Variants in PSORS1C1 observed in about 807,000 individuals in gnomAD.
PSORS1C1 encodes the protein psoriasis susceptibility 1 candidate gene 1 protein.
In PSORS1C1, 7 loss-of-function variants were observed where a neutral mutation model predicts 9.4. The observed-to-expected ratio is 0.75, with a 90% confidence interval of 0.42 to 1.40. PSORS1C1 has a LOEUF of 1.40. Ranked by LOEUF, PSORS1C1 falls within the 40% of genes most tolerant of loss-of-function variation. The pLI is 0.01. For missense variants in PSORS1C1, 146 were observed against 178.1 expected (o/e 0.82, Z 1.02); for synonymous variants, 63 against 69.4 (o/e 0.91, Z 0.46).
chr6:31,132,530 GAATAAATA>G (rs9281220), intron 3 of PSORS1C1, among the ~76,000 whole-genome samples: 32,729 of 150,168 alleles, frequency 0.22, 4,104 homozygotes, highest in African/African-American at 0.34. Context: ...CTCAAAAATT[GAATAAATA>G]AATAAATAAA....
chr6:31,114,936 G>A (rs750010432), intron 1 of PSORS1C1, 45 bp downstream of exon 1: 10 of 450,152 alleles, frequency 2.2e-5, no homozygotes, highest in South Asian at 1.6e-4. Flanking sequence ...GGGTGGGGAG[G>A]GGAGGGGAGG....
At chr6:31,116,452 TTGGAGC>T (rs2150956409) in intron 1 of PSORS1C1, 1 of 1,592,284 alleles carries the variant, frequency 6.3e-7, no homozygotes. Flanking sequence ...GCAGGGTCCC[TTGGAGC>T]CCGTGGAGCC....
Position 31,139,054 on chromosome 6 carries a change from G to A in PSORS1C1, c.167+275G>A. On this transcript the variant is annotated intron_variant, in intron 5 of 5. Coordinates refer to ENST00000259881, the MANE Select transcript of PSORS1C1 (RefSeq NM_014068.3). This position sits in a 1 kb window ranked among gnomAD's most constrained non-coding sequence, Gnocchi z 5.2. ...CTATGTACTGGCCCCCAAAGCTGGG[G>A]TGGGCTGAGTCTGGGTGCCTGGGAA... The A allele has an allele frequency of 1.9e-6, 3 of 1,611,948 alleles. No homozygotes were observed. The highest frequency in any genetic ancestry group is 2.5e-6 in the Non-Finnish European group (3 of 1,178,108).
chr6:31,121,601 G>C (rs1187729926), intron 1 of PSORS1C1, among the ~76,000 whole-genome samples: 1 of 151,594 alleles, frequency 6.6e-6, no homozygotes, highest in Non-Finnish European at 1.5e-5. Flanking sequence ...GTATCGGAGG[G>C]AGGTGCCTGG....
At chr6:31,120,265 C>T in intron 1 of PSORS1C1, 1 of 1,232,530 alleles carries the variant, frequency 8.1e-7, no homozygotes, top group Non-Finnish European at 1.2e-6. Flanking sequence ...CTGCCTGTCC[C>T]CTTCGCTGGG....
Position 31,139,071 on chromosome 6 carries a change from G to T in PSORS1C1, c.167+292G>T. On this transcript the variant is annotated intron_variant, in intron 5 of 5. Transcript: ENST00000259881. This position sits in a 1 kb window ranked among gnomAD's most constrained non-coding sequence, Gnocchi z 5.2. ...AAGCTGGGGTGGGCTGAGTCTGGGT[G>T]CCTGGGAACCCCAAGAGGCTTTATA... is the stretch of plus-strand genomic sequence containing the variant. 1.3e-6 allele frequency: 2 copies of T among 1,565,982 alleles called. No individual in the cohort carries two copies. Among genetic ancestry groups the T allele is most frequent in the Non-Finnish European group, 1.8e-6 (2 of 1,136,774 alleles).
intron 1 of PSORS1C1, chr6:31,120,509 T>G (rs904558225): frequency 7.1e-5 from 82 of 1,155,022 alleles, no homozygotes; most frequent in Non-Finnish European, 1.0e-4. Context: ...CAGGAGTCAC[T>G]GTGGGGAGAG....
intron 4 of PSORS1C1, 73 bp from the exon 5 acceptor site, chr6:31,138,583 T>C: frequency 6.2e-7 from 1 of 1,609,164 alleles, no homozygotes; most frequent in East Asian, 2.2e-5. Flanking sequence ...CATCCACCCC[T>C]GGTTGGGGTA....
In PSORS1C1 at chr6:31,116,298, G is replaced by C. The variant is rs3130982; in HGVS notation, c.-229+1407G>C. 0.51 allele frequency: 822,160 copies of C among 1,613,568 alleles called. 213,999 individuals are homozygous for C. Among genetic ancestry groups the C allele is most frequent in the East Asian group, 0.68 (30,594 of 44,816 alleles). ...AAGGCTGAAGGATGATTTTGCCACT[G>C]GATTGGGAACTGGAGCTGCTGCTGA... On this transcript the variant is annotated intron_variant, in intron 1 of 5. Coordinates refer to ENST00000259881, the MANE Select transcript of PSORS1C1 (RefSeq NM_014068.3).
chr6:31,117,497 C>A (rs749042832), intron 1 of PSORS1C1: 2 of 1,551,266 alleles, frequency 1.3e-6, no homozygotes, highest in Non-Finnish European at 1.7e-6. Context: ...TTACAAGGGT[C>A]TGAGAAGGTG....
chr6:31,131,534 T>C (rs1772912303), intron 3 of PSORS1C1, among the ~76,000 whole-genome samples: 1 of 141,910 alleles, frequency 7.0e-6, no homozygotes, highest in Non-Finnish European at 1.5e-5. Context: ...GAGGCGGAGG[T>C]TGCAGTGAGC....
intron 1 of PSORS1C1, chr6:31,120,406 C>G: frequency 6.3e-7 from 1 of 1,588,246 alleles, no homozygotes. Flanking sequence ...CCAGGGTGCC[C>G]GAGACGAGCC....
At chr6:31,119,679 A>T (rs1772358338) in intron 1 of PSORS1C1, among the ~76,000 whole-genome samples, 1 of 152,190 alleles carries the variant, frequency 6.6e-6, no homozygotes, top group East Asian at 1.9e-4. Flanking sequence ...CGAGCGGATC[A>T]CTTGAGTCAG....
intron 3 of PSORS1C1, among the ~76,000 whole-genome samples, chr6:31,135,061 C>A (rs1335538632): frequency 1.3e-5 from 2 of 152,128 alleles, no homozygotes; most frequent in African/African-American, 4.8e-5. Context: ...AGCAATCCAC[C>A]CGATTCGGCC....
chr6:31,133,778 T>C (rs1051941743), intron 3 of PSORS1C1: 5 of 152,248 alleles, frequency 3.3e-5, no homozygotes, highest in African/African-American at 1.2e-4. Context: ...TTTTATTATT[T>C]ATATTCTTAT....
intron 3 of PSORS1C1, chr6:31,138,106 G>T: frequency 6.2e-7 from 1 of 1,602,608 alleles, no homozygotes; most frequent in Non-Finnish European, 8.5e-7. Context: ...GTTCTAGGCG[G>T]TTCAGGGAGC....
At chr6:31,133,087 G>T (rs1005340902) in intron 3 of PSORS1C1, among the ~76,000 whole-genome samples, 1 of 152,104 alleles carries the variant, frequency 6.6e-6, no homozygotes, top group Non-Finnish European at 1.5e-5. Context: ...CCTGGAAAAG[G>T]TCCCGGCAGA....
chr6:31,117,136 C>T, intron 1 of PSORS1C1: 1 of 1,610,582 alleles, frequency 6.2e-7, no homozygotes, highest in Non-Finnish European at 8.5e-7. Flanking sequence ...GAACTGAAAG[C>T]TGCTGCTGCT....
intron 1 of PSORS1C1, chr6:31,117,725 G>A: frequency 1.6e-6 from 1 of 607,094 alleles, no homozygotes; most frequent in Admixed American, 2.9e-5. Flanking sequence ...GCATTTCTTT[G>A]TTTGGGAAGG....
Sources: gnomAD v4.1 joint callset for allele counts (sites outside exome capture counted in the v4.1 genomes callset) on GRCh38, gnomAD v4.1.1 for gene constraint, Gnocchi (gnomAD v3.1) non-coding constraint, MANE v1.5 for transcripts, NCBI Gene and HGNC (gene_info 2026-07-23, HGNC 2026-07-21) for gene names.